The following FAM13B variants were observed in gnomAD, a reference collection of about 807,000 sequenced individuals.
FAM13B encodes family with sequence similarity 13 member B, also known as protein FAM13B.
FAM13B carries 60 observed loss-of-function variants against 117.3 expected under a neutral mutation model. The ratio of observed to expected loss-of-function variants is 0.51; its 90% CI spans 0.42 to 0.63. The LOEUF is 0.63. Ranked by LOEUF, FAM13B falls within the 30% of genes least tolerant of loss-of-function variation. The pLI is 0.00. For synonymous variants in FAM13B, 332 were observed against 356.1 expected (o/e 0.93, Z 0.76); for missense variants, 972 against 1,091.9 (o/e 0.89, Z 1.55).
At position 138,050,454 on chromosome 5, in the gene FAM13B, CA is replaced by C. The variant is rs1294800273; in HGVS notation, c.-203+1423del. On this transcript the variant is annotated intron_variant, in intron 1 of 3. Coordinates refer to the FAM13B transcript ENST00000502471. ...CTCCGTCTCAAAACAAACAAACAAA[CA>C]AACAAACAAACAGACAAAACATCTG... is the stretch of plus-strand genomic sequence containing the variant. Among the ~76,000 whole-genome samples, 14 of 152,012 alleles carry C rather than the reference CA, an allele frequency of 9.2e-5. No homozygotes were observed. The South Asian group carries it at 2.1e-3, about 23-fold the overall frequency.
chr5:137,965,578 A>G (rs1769464051), intron 10 of FAM13B, among the ~76,000 whole-genome samples: 1 of 152,192 alleles, frequency 6.6e-6, no homozygotes, highest in South Asian at 2.1e-4. Flanking sequence ...TCTATTAAAT[A>G]GGCTACATAT....
At chr5:138,002,196 T>A (rs1013813829) in intron 7 of FAM13B, among the ~76,000 whole-genome samples, 3 of 152,126 alleles carry the variant, frequency 2.0e-5, no homozygotes, top group Non-Finnish European at 4.4e-5. Flanking sequence ...GAAACAAGAA[T>A]AAAAAGCTTA....
At chr5:137,970,011 A>T (rs1771551548) in intron 10 of FAM13B, among the ~76,000 whole-genome samples, 1 of 152,234 alleles carries the variant, frequency 6.6e-6, no homozygotes, top group African/African-American at 2.4e-5. Context: ...GACGGGGAGA[A>T]TGGAACCAAG....
At chr5:138,026,388 GGCCGAGGT>G (rs2151033708) in intron 1 of FAM13B, among the ~76,000 whole-genome samples, 1 of 152,190 alleles carries the variant, frequency 6.6e-6, no homozygotes, top group South Asian at 2.1e-4. Flanking sequence ...CTCTTTGGGA[GGCCGAGGT>G]GGGCAGATCA....
chr5:137,951,233 A>AAAAAAAAT (rs1457502693), intron 17 of FAM13B, among the ~76,000 whole-genome samples: 1 of 147,026 alleles, frequency 6.8e-6, no homozygotes, highest in Non-Finnish European at 1.5e-5. Flanking sequence ...AAAAAAAAAA[A>AAAAAAAAT]GGAGAGAGAG....
At chr5:137,995,173 T>C (rs1018586592) in intron 7 of FAM13B, among the ~76,000 whole-genome samples, 2 of 152,208 alleles carry the variant, frequency 1.3e-5, no homozygotes. Flanking sequence ...AGTAGAGCTG[T>C]GCTACACTCT....
chr5:138,012,113 TGAAATGGAGAA>T (rs1387078700), intron 4 of FAM13B, among the ~76,000 whole-genome samples, 168 bp from the exon 5 acceptor site: 5 of 151,922 alleles, frequency 3.3e-5, no homozygotes, highest in Non-Finnish European at 4.4e-5. Context: ...ATTTCACTTA[TGAAATGGAGAA>T]GAGGTGGAGA....
At chr5:137,993,063 A>G (rs1779029347) in intron 7 of FAM13B, among the ~76,000 whole-genome samples, 1 of 152,238 alleles carries the variant, frequency 6.6e-6, no homozygotes, top group African/African-American at 2.4e-5. Flanking sequence ...TACACAGTGA[A>G]AAAAATCACC....
In FAM13B at chr5:138,032,292, C is replaced by T. The variant is rs534467959; in HGVS notation, c.-203+490G>A. On this transcript the variant is annotated intron_variant, in intron 1 of 23. Coordinates refer to ENST00000689681, the MANE Select transcript of FAM13B (RefSeq NM_001385994.1). ...CCCAATTTTGGCTATATTCTCTGAGCGATTTAAGGAAGTCCGCAACCACTC... is the reference window on the plus strand; with the variant it reads ...CCCAATTTTGGCTATATTCTCTGAGTGATTTAAGGAAGTCCGCAACCACTC... Among the ~76,000 whole-genome samples the T allele has an allele frequency of 6.3e-4, 96 of 152,246 alleles. No individual in the cohort carries two copies. In the South Asian group the frequency reaches 0.019, roughly 30 times the overall value.
chr5:137,940,496 T>A, intron 23 of FAM13B, 148 bp from the exon 24 acceptor site: 1 of 596,380 alleles, frequency 1.7e-6, no homozygotes, highest in Non-Finnish European at 2.9e-6. Flanking sequence ...GTTATTGAAC[T>A]AATACCCTCA....
At chr5:137,956,564 C>T in intron 13 of FAM13B, 22 bp from the exon 14 acceptor site, 1 of 1,557,318 alleles carries the variant, frequency 6.4e-7, no homozygotes, top group Non-Finnish European at 8.7e-7. Context: ...GAAAAAATGG[C>T]AAAAAATACT....
At chr5:138,006,896 CATAT>C in intron 7 of FAM13B, 90 bp downstream of exon 7, 1 of 1,220,010 alleles carries the variant, frequency 8.2e-7, no homozygotes. Flanking sequence ...CAAACTTTCA[CATAT>C]AGTTACAGTT....
chr5:138,033,543 G>T (rs1191954413), upstream of FAM13B, among the ~76,000 whole-genome samples: 2 of 151,878 alleles, frequency 1.3e-5, no homozygotes, highest in Admixed American at 1.3e-4. Flanking sequence ...CGTCCTGCCC[G>T]CCCCCACCCT....
chr5:138,024,314 C>T (rs116469530), intron 1 of FAM13B, among the ~76,000 whole-genome samples: 1 of 151,980 alleles, frequency 6.6e-6, no homozygotes, highest in Non-Finnish European at 1.5e-5. Context: ...CAGAGACACA[C>T]AGAGAGAAAG....
At chr5:138,032,700 C>G in intron 1 of FAM13B, 82 bp downstream of exon 1, 1 of 984,762 alleles carries the variant, frequency 1.0e-6, no homozygotes, top group Non-Finnish European at 1.2e-6. Flanking sequence ...GCAGGCGGCG[C>G]TGGGGGGCAA....
At chr5:137,997,983 C>G (rs1780272428) in intron 7 of FAM13B, among the ~76,000 whole-genome samples, 1 of 152,160 alleles carries the variant, frequency 6.6e-6, no homozygotes, top group African/African-American at 2.4e-5. Flanking sequence ...GATGACTAAT[C>G]AAAACCCACC....
chr5:137,959,069 G>A lies in FAM13B; in HGVS notation c.1441+547C>T, dbSNP rs924846632. Among the ~76,000 whole-genome samples, 12 of 152,140 alleles carry A rather than the reference G, an allele frequency of 7.9e-5. 1 individual carries two copies. The highest frequency in any genetic ancestry group is 2.9e-4 in the African/African-American group (12 of 41,440). On this transcript the variant is annotated intron_variant, in intron 13 of 23. Transcript: ENST00000689681. ...TTTGAGAAATGCATATACCCATGTT[G>A]TTTGCTTGTTAAATTTTAACTTCTC...
chr5:137,967,197 G>A (rs557713682), intron 10 of FAM13B, among the ~76,000 whole-genome samples: 2 of 151,934 alleles, frequency 1.3e-5, no homozygotes, highest in Admixed American at 6.6e-5. Context: ...AAATATTTGC[G>A]ACTGATCGTT....
chr5:137,993,270 T>C (rs570636783), intron 7 of FAM13B, among the ~76,000 whole-genome samples: 1 of 152,316 alleles, frequency 6.6e-6, no homozygotes, highest in Admixed American at 6.5e-5. Flanking sequence ...CAAGGATATT[T>C]GCTTCTAACT....
Sources: gnomAD v4.1 joint callset for allele counts (sites outside exome capture counted in the v4.1 genomes callset) on GRCh38, gnomAD v4.1.1 for gene constraint, MANE v1.5 for transcripts, NCBI Gene and HGNC (gene_info 2026-07-23, HGNC 2026-07-21) for gene names.